The following SPACA6 variants were observed in gnomAD, a reference collection of about 807,000 sequenced individuals.
SPACA6 encodes the protein sperm acrosome membrane-associated protein 6.
For synonymous variants in SPACA6, 6 were observed against 1.5 expected, an observed-to-expected ratio of 4.05 and a Z score of -2.21; for missense variants, 8 against 2.8, an observed-to-expected ratio of 2.88 and a Z score of -1.34.
At chr19:51,704,589 G>T in intron 8 of SPACA6, 109 bp downstream of exon 8, 2 of 399,688 alleles carry the variant, frequency 5.0e-6, no homozygotes, top group Non-Finnish European at 8.8e-6. Context: ...CAGGCTTTCA[G>T]TTCCTCCTCT....
At position 51,694,479 on chromosome 19, in the gene SPACA6, C is replaced by T; in HGVS notation, c.216C>T (p.Asn72=). 2 of 399,830 alleles carry T rather than the reference C, an allele frequency of 5.0e-6. No individual in the cohort carries two copies. The highest frequency in any genetic ancestry group is 4.4e-6 in the Non-Finnish European group (1 of 226,612). The allele number at this position is 399,830 out of a possible 1,614,324, so 24.8% of individuals were successfully genotyped here. ...AFQGLSDTEI[N]YDERSHLHDT... ...CCCTGCTCCCTCCCTCACCGCCAGACTATGATGAGAGAAGCCACCTGCATG... is the reference window on the plus strand; with the variant it reads ...CCCTGCTCCCTCCCTCACCGCCAGATTATGATGAGAGAAGCCACCTGCATG... Residue 72 remains asparagine, a splice_region_variant and synonymous_variant, in exon 2 of 9, where the codon AAC becomes AAT. Coordinates refer to ENST00000637797, the MANE Select transcript of SPACA6 (RefSeq NM_001316972.2).
At chr19:51,692,883 G>A (rs149622487), upstream of SPACA6, 2,573 of 533,344 alleles carry the variant, frequency 4.8e-3, 78 homozygotes, top group Admixed American at 0.048. The surrounding 1 kb of genome is among the most constrained non-coding windows in gnomAD (Gnocchi z 5.6). Flanking sequence ...TGCACGGGAC[G>A]GGGCCCGGCG....
rs148161713 is a variant in SPACA6, at chr19:51,695,072, T to TCA, written c.292+530_292+531dup. ...CACGCTCAGAGACATACACTCACAC[T>TCA]CACACACACACACAGATTTCTTATA... On this transcript the variant is annotated intron_variant, in intron 2 of 8. Transcript: ENST00000637797. Among the ~76,000 whole-genome samples, 157 of 151,504 alleles carry TCA rather than the reference T, an allele frequency of 1.0e-3. 1 individual carries two copies. The highest frequency in any genetic ancestry group is 3.4e-3 in the Middle Eastern group (1 of 294).
rs2083483797 is a variant in SPACA6 at position 51,703,216 on chromosome 19, C to T, written c.464-12C>T. ...GTCGGGGCCCAGCGAGTGAACCCTG[C>T]TCCGTCTTCAGTTCAGGATGTGACA... On this transcript the variant is annotated splice_polypyrimidine_tract_variant and intron_variant, in intron 5 of 8. Coordinates refer to ENST00000637797, the MANE Select transcript of SPACA6 (RefSeq NM_001316972.2). This position sits in a 1 kb window ranked among gnomAD's most constrained non-coding sequence, Gnocchi z 4.2. 1 of 399,328 alleles carries T rather than the reference C, an allele frequency of 2.5e-6. No individual in the cohort carries two copies. The highest frequency in any genetic ancestry group is 2.1e-5 in the African/African-American group (1 of 48,632). 24.7% of individuals were successfully genotyped at this position (399,328 alleles called of 1,614,324 possible).
chr19:51,694,108 CAT>C (rs1295175757), intron 1 of SPACA6: 3 of 256,816 alleles, frequency 1.2e-5, no homozygotes, highest in Non-Finnish European at 2.1e-5. Context: ...GATGGAGACT[CAT>C]AGAAAGGGGA....
rs1280035858 is a variant in SPACA6, at chr19:51,703,464, G to A, written c.573+127G>A. 1 of 397,146 alleles carries A rather than the reference G, an allele frequency of 2.5e-6. No individual in the cohort carries two copies. Among genetic ancestry groups the A allele is most frequent in the Non-Finnish European group, 4.4e-6 (1 of 225,416 alleles). 24.6% of individuals were successfully genotyped at this position (397,146 alleles called of 1,614,324 possible). ...GTCTAGACACAAGCATCAGCAAGAG[G>A]AGGGTCGCGGGATTTAGGGGAGAGC... On this transcript the variant is annotated intron_variant, in intron 6 of 8. Transcript: ENST00000637797. The surrounding 1 kb of genome is among the most constrained non-coding windows in gnomAD (Gnocchi z 4.2).
chr19:51,690,984 G>A (rs1398973206), upstream of SPACA6, among the ~76,000 whole-genome samples: 1 of 148,660 alleles, frequency 6.7e-6, no homozygotes, highest in African/African-American at 2.5e-5. Flanking sequence ...CCGCCTGAGG[G>A]TCTGGGAGGT....
At chr19:51,692,365 G>A (rs1000647040), upstream of SPACA6, among the ~76,000 whole-genome samples, 3 of 152,132 alleles carry the variant, frequency 2.0e-5, no homozygotes, top group Non-Finnish European at 4.4e-5. The surrounding 1 kb of genome is among the most constrained non-coding windows in gnomAD (Gnocchi z 5.6). Flanking sequence ...GGAGGCTTTG[G>A]ATCTGGACTC....
At chr19:51,687,554 G>A (rs1301830480), upstream of SPACA6, 1 of 151,852 alleles carries the variant, frequency 6.6e-6, no homozygotes, top group African/African-American at 2.4e-5. Flanking sequence ...AAAGAGGAGG[G>A]TGGTATATAT....
chr19:51,684,853 A>T (rs548563943), upstream of SPACA6, among the ~76,000 whole-genome samples: 1 of 152,232 alleles, frequency 6.6e-6, no homozygotes, highest in African/African-American at 2.4e-5. Flanking sequence ...TCATCTCGTG[A>T]TTTTAGGCTC....
upstream of SPACA6, among the ~76,000 whole-genome samples, chr19:51,691,026 C>T (rs1416553409): frequency 1.6e-5 from 2 of 124,346 alleles, no homozygotes; most frequent in South Asian, 2.7e-4. Flanking sequence ...GAGAGCTGGC[C>T]GTAGACCCGT....
downstream of SPACA6, among the ~76,000 whole-genome samples, chr19:51,707,944 G>A (rs1254993172): frequency 6.6e-6 from 1 of 152,238 alleles, no homozygotes; most frequent in Non-Finnish European, 1.5e-5. Flanking sequence ...CTGGGATGCA[G>A]CGGCCTGTCA....
At chr19:51,686,216 T>C (rs1378990300), upstream of SPACA6, 1 of 152,212 alleles carries the variant, frequency 6.6e-6, no homozygotes, top group East Asian at 1.9e-4. Flanking sequence ...CCTGGGGGGC[T>C]TAAGCAAGTC....
upstream of SPACA6, among the ~76,000 whole-genome samples, chr19:51,684,214 T>A (rs1243271019): frequency 1.3e-5 from 2 of 152,078 alleles, no homozygotes; most frequent in Admixed American, 1.3e-4. Context: ...AAAGAGATGA[T>A]CTATTATCAG....
At chr19:51,692,994 C>G (rs939440524), upstream of SPACA6, 2 of 388,586 alleles carry the variant, frequency 5.1e-6, no homozygotes, top group African/African-American at 4.2e-5. The surrounding 1 kb of genome is among the most constrained non-coding windows in gnomAD (Gnocchi z 5.6). Flanking sequence ...CCCTGCATCC[C>G]CTCCTTCCCC....
At chr19:51,708,399 A>G (rs1869348708), downstream of SPACA6, among the ~76,000 whole-genome samples, 1 of 152,254 alleles carries the variant, frequency 6.6e-6, no homozygotes, top group Non-Finnish European at 1.5e-5. Context: ...TGGAGAAGAT[A>G]AGCAGAGAAA....
In SPACA6 at chr19:51,703,359, G is replaced by T. The variant is rs2122223420; in HGVS notation, c.573+22G>T. The T allele has an allele frequency of 2.5e-6, 1 of 399,142 alleles. No homozygotes were observed. The highest frequency in any genetic ancestry group is 4.4e-5 in the Admixed American group (1 of 22,734). The allele number at this position is 399,142 out of a possible 1,614,324, so 24.7% of individuals were successfully genotyped here. A position where few individuals can be genotyped will look rare whatever the true frequency, so the allele number is the denominator to read the frequency against. On this transcript the variant is annotated intron_variant, in intron 6 of 8. Transcript: ENST00000637797. The surrounding 1 kb of genome is among the most constrained non-coding windows in gnomAD (Gnocchi z 4.2). ...AGGTGTGAGTCGGGGCGGGGCCGGC[G>T]CGAAGAGTTTAGACGGGCGAGTTAG...
chr19:51,692,719 C>G (rs1293342691), upstream of SPACA6: 1 of 533,724 alleles, frequency 1.9e-6, no homozygotes. The surrounding 1 kb of genome is among the most constrained non-coding windows in gnomAD (Gnocchi z 5.6). Flanking sequence ...CCCCGGCCCT[C>G]CCCCTCATCC....
intron 2 of SPACA6, among the ~76,000 whole-genome samples, chr19:51,697,973 A>G (rs1198157245): frequency 2.6e-5 from 4 of 152,140 alleles, no homozygotes; most frequent in Admixed American, 6.5e-5. Context: ...ACTACGTGCT[A>G]GGAGCCATTC....
Sources: gnomAD v4.1 joint callset for allele counts (sites outside exome capture counted in the v4.1 genomes callset) on GRCh38, gnomAD v4.1.1 for gene constraint, Gnocchi (gnomAD v3.1) non-coding constraint, MANE v1.5 for transcripts, NCBI Gene and HGNC (gene_info 2026-07-23, HGNC 2026-07-21) for gene names.